The following CDH4 variants were observed in gnomAD, a reference collection of about 807,000 sequenced individuals.
The protein encoded by CDH4 is cadherin-4.
CDH4 carries 33 observed loss-of-function variants against 86.0 expected under a neutral mutation model. The observed-to-expected ratio is 0.38, with a 90% CI of 0.29 to 0.51. The LOEUF is 0.51. CDH4 is among the 20% of genes least tolerant of loss of function. CDH4 has a pLI of 0.86. For synonymous variants in CDH4, 555 were observed against 549.4 expected, an observed-to-expected ratio of 1.01 and a Z score of -0.14; for missense variants, 1,114 against 1,307.4, an observed-to-expected ratio of 0.85 and a Z score of 2.28.
intron 2 of CDH4, among the ~76,000 whole-genome samples, chr20:61,458,525 G>A (rs1430641441): frequency 6.6e-6 from 1 of 152,096 alleles, no homozygotes; most frequent in African/African-American, 2.4e-5. Context: ...GGTGATGACA[G>A]TGCTGACACT....
intron 4 of CDH4, among the ~76,000 whole-genome samples, chr20:61,776,167 C>A (rs1315715014): frequency 6.6e-6 from 1 of 152,186 alleles, no homozygotes; most frequent in Non-Finnish European, 1.5e-5. Context: ...CATGAGAGCC[C>A]ACCTTACGCC....
chr20:61,723,088 C>T (rs927167715), intron 2 of CDH4, among the ~76,000 whole-genome samples: 5 of 152,184 alleles, frequency 3.3e-5, no homozygotes, highest in African/African-American at 4.8e-5. Context: ...CAAGGGCAGA[C>T]CTCACTCTTC....
At chr20:61,726,867 C>T (rs567408036) in intron 2 of CDH4, among the ~76,000 whole-genome samples, 36 of 148,038 alleles carry the variant, frequency 2.4e-4, no homozygotes, top group Non-Finnish European at 4.7e-4. Flanking sequence ...TCATCATCAC[C>T]ATCGGAGGCA....
intron 2 of CDH4, among the ~76,000 whole-genome samples, chr20:61,331,242 A>G (rs2123262130): frequency 6.6e-6 from 1 of 151,620 alleles, no homozygotes; most frequent in East Asian, 1.9e-4. Context: ...TAAAGCTCCC[A>G]CCCTGGGATG....
At chr20:61,601,511 T>G (rs2086600507) in intron 2 of CDH4, among the ~76,000 whole-genome samples, 1 of 152,160 alleles carries the variant, frequency 6.6e-6, no homozygotes, top group Non-Finnish European at 1.5e-5. Flanking sequence ...GCGGTGCTCC[T>G]CGTCAGCCCC....
chr20:61,627,510 G>C (rs920896660), intron 2 of CDH4, among the ~76,000 whole-genome samples: 1 of 152,168 alleles, frequency 6.6e-6, no homozygotes, highest in Admixed American at 6.5e-5. Flanking sequence ...CAATCAAAAA[G>C]GTCACCAGAC....
At chr20:61,830,055 C>T (rs1294793842) in intron 4 of CDH4, among the ~76,000 whole-genome samples, 2 of 151,370 alleles carry the variant, frequency 1.3e-5, no homozygotes, top group Non-Finnish European at 2.9e-5. Context: ...TCCCCCACAG[C>T]CCTACCTTCA....
chr20:61,319,354 C>G (rs1316579069), intron 2 of CDH4, among the ~76,000 whole-genome samples: 1 of 151,988 alleles, frequency 6.6e-6, no homozygotes, highest in Non-Finnish European at 1.5e-5. Flanking sequence ...TTAAAAATTC[C>G]CTGTTATGCT....
Position 61,392,299 on chromosome 20 carries a change from C to T in CDH4, c.169+137362C>T, listed in dbSNP as rs2084991108. ...ATCCTTCCACCAAACGAGTGTTTTG[C>T]TGTCAGGACGCAGCCTCCCTGGAAG... On this transcript the variant is annotated intron_variant, in intron 2 of 15. Transcript: ENST00000614565. The surrounding 1 kb of genome is among the most constrained non-coding windows in gnomAD (Gnocchi z 5.7). 6.6e-6 allele frequency among the ~76,000 whole-genome samples: 1 copy of T among 152,108 alleles called. No homozygotes were observed.
At chr20:61,827,657 G>A (rs1461641747) in intron 4 of CDH4, among the ~76,000 whole-genome samples, 1 of 152,224 alleles carries the variant, frequency 6.6e-6, no homozygotes, top group African/African-American at 2.4e-5. Flanking sequence ...CAAGCCCCTA[G>A]GCTATGGCCT....
chr20:61,844,919 C>G, intron 5 of CDH4, 96 bp downstream of exon 5: 1 of 1,253,276 alleles, frequency 8.0e-7, no homozygotes, highest in Non-Finnish European at 1.1e-6. Context: ...CATGCCTGCC[C>G]TAACTCTACA....
At chr20:61,373,843 G>A (rs572112129) in intron 2 of CDH4, among the ~76,000 whole-genome samples, 1 of 152,224 alleles carries the variant, frequency 6.6e-6, no homozygotes, top group East Asian at 1.9e-4. Context: ...ATGCACAGCA[G>A]CTTGAAGAAG....
At chr20:61,282,577 C>G (rs945347951) in intron 2 of CDH4, among the ~76,000 whole-genome samples, 1 of 137,530 alleles carries the variant, frequency 7.3e-6, no homozygotes, top group African/African-American at 2.6e-5. Flanking sequence ...GTGTGTATGT[C>G]TATCTGTACT....
intron 2 of CDH4, among the ~76,000 whole-genome samples, chr20:61,706,244 C>T (rs757087632): frequency 3.3e-5 from 5 of 152,126 alleles, no homozygotes; most frequent in Non-Finnish European, 7.4e-5. Flanking sequence ...GTCTGGGCAG[C>T]TTTCCCCTAA....
intron 4 of CDH4, among the ~76,000 whole-genome samples, chr20:61,809,463 C>G (rs1323418151): frequency 1.3e-5 from 2 of 152,206 alleles, no homozygotes; most frequent in African/African-American, 4.8e-5. Flanking sequence ...ATCCTGAAAA[C>G]AAGTGACATC....
intron 2 of CDH4, among the ~76,000 whole-genome samples, chr20:61,664,174 C>T (rs1480524403): frequency 6.6e-6 from 1 of 152,220 alleles, no homozygotes; most frequent in African/African-American, 2.4e-5. Flanking sequence ...CACAGGGTCA[C>T]ACCACTTGCC....
At chr20:61,876,340 T>G (rs1984024079) in intron 7 of CDH4, among the ~76,000 whole-genome samples, 1 of 152,204 alleles carries the variant, frequency 6.6e-6, no homozygotes. Flanking sequence ...CGCCGTCCAG[T>G]CCCAGTGCAG....
chr20:61,383,380 TATATATGA>T (rs1437609554), intron 2 of CDH4, among the ~76,000 whole-genome samples: 17 of 1,372 alleles, frequency 0.012, 3 homozygotes, highest in Non-Finnish European at 0.053. Context: ...TATATATGGA[TATATATGA>T]ATATATGATA....
chr20:61,770,943 C>T (rs1169997639), intron 3 of CDH4, among the ~76,000 whole-genome samples: 1 of 150,894 alleles, frequency 6.6e-6, no homozygotes, highest in Non-Finnish European at 1.5e-5. Flanking sequence ...ACAGAACTCC[C>T]TGGTGACCAG....
Sources: gnomAD v4.1 joint callset for allele counts (sites outside exome capture counted in the v4.1 genomes callset) on GRCh38, gnomAD v4.1.1 for gene constraint, Gnocchi (gnomAD v3.1) non-coding constraint, MANE v1.5 for transcripts, NCBI Gene and HGNC (gene_info 2026-07-23, HGNC 2026-07-21) for gene names.